TCF7L1: variants seen among roughly 807,000 people sequenced by gnomAD.
TCF7L1 encodes the protein transcription factor 7-like 1.
TCF7L1 carries 18 observed loss-of-function variants against 63.7 expected under a neutral mutation model. That is an observed-to-expected ratio of 0.28 (90% confidence interval 0.20 to 0.42). The LOEUF (loss-of-function observed/expected upper bound fraction) is 0.42. Among genes scored for constraint, TCF7L1 ranks in the 10% least tolerant of loss-of-function variants. The pLI is 1.00. For synonymous variants in TCF7L1, 355 were observed against 340.9 expected, an observed-to-expected ratio of 1.04 and a Z score of -0.46; for missense variants, 654 against 779.3, an observed-to-expected ratio of 0.84 and a Z score of 1.91.
chr2:85,135,936 G>C (rs947587879), intron 3 of TCF7L1, among the ~76,000 whole-genome samples: 9 of 150,750 alleles, frequency 6.0e-5, no homozygotes, highest in South Asian at 2.2e-4. Flanking sequence ...ATCAAAGGGG[G>C]GGGGGGATCA....
chr2:85,262,078 T>C (rs1470547473), intron 3 of TCF7L1: 1 of 538,242 alleles, frequency 1.9e-6, no homozygotes, highest in Non-Finnish European at 3.7e-6. Context: ...TACCTCCTTT[T>C]AGCATGATCC....
At chr2:85,208,158 G>A (rs57595681) in intron 3 of TCF7L1, among the ~76,000 whole-genome samples, 7,094 of 152,142 alleles carry the variant, frequency 0.047, 187 homozygotes, top group Middle Eastern at 0.054. Flanking sequence ...CACCAGCCTC[G>A]GCCTCCCAAA....
At chr2:85,274,826 C>A (rs569562365) in intron 3 of TCF7L1, among the ~76,000 whole-genome samples, 1 of 152,146 alleles carries the variant, frequency 6.6e-6, no homozygotes, top group African/African-American at 2.4e-5. Flanking sequence ...CCTAGAATAC[C>A]AATAACTTAC....
At chr2:85,225,710 A>G (rs1012583372) in intron 3 of TCF7L1, among the ~76,000 whole-genome samples, 1 of 152,248 alleles carries the variant, frequency 6.6e-6, no homozygotes, top group Non-Finnish European at 1.5e-5. Context: ...ATATACAGTC[A>G]TGTCATCTGC....
chr2:85,188,680 C>A (rs372406492), intron 3 of TCF7L1, among the ~76,000 whole-genome samples: 81 of 152,162 alleles, frequency 5.3e-4, no homozygotes, highest in African/African-American at 1.9e-3. Flanking sequence ...TTTCCCTGTC[C>A]TTTATTATGT....
chr2:85,158,380 C>T (rs1184811865), intron 3 of TCF7L1, among the ~76,000 whole-genome samples: 1 of 152,204 alleles, frequency 6.6e-6, no homozygotes, highest in South Asian at 2.1e-4. Context: ...ATGCACATGA[C>T]TCCGTGTGAA....
At chr2:85,216,639 C>T (rs1483638915) in intron 3 of TCF7L1, among the ~76,000 whole-genome samples, 1 of 152,138 alleles carries the variant, frequency 6.6e-6, no homozygotes, top group Non-Finnish European at 1.5e-5. Flanking sequence ...GCCCCTTCCT[C>T]CCGGCCCTGG....
At chr2:85,205,965 T>G (rs1679399776) in intron 3 of TCF7L1, among the ~76,000 whole-genome samples, 2 of 152,232 alleles carry the variant, frequency 1.3e-5, no homozygotes, top group Non-Finnish European at 2.9e-5. Context: ...TGCCATCCAC[T>G]TGGATGCTTT....
chr2:85,282,868 T>C (rs536749214), intron 3 of TCF7L1, among the ~76,000 whole-genome samples: 2 of 149,090 alleles, frequency 1.3e-5, no homozygotes, highest in East Asian at 4.0e-4. Context: ...TTGGTTTGGG[T>C]TTTTTGCACT....
chr2:85,257,382 G>A (rs555244856), intron 3 of TCF7L1, among the ~76,000 whole-genome samples: 5 of 152,286 alleles, frequency 3.3e-5, no homozygotes, highest in Non-Finnish European at 7.4e-5. Flanking sequence ...CAGGTTCCCC[G>A]GCTTAGCTCC....
chr2:85,230,612 G>A (rs1245581692), intron 3 of TCF7L1, among the ~76,000 whole-genome samples: 3 of 152,186 alleles, frequency 2.0e-5, no homozygotes, highest in African/African-American at 7.2e-5. Flanking sequence ...TGGGATTATA[G>A]GCATGAGCCA....
intron 10 of TCF7L1, among the ~76,000 whole-genome samples, chr2:85,307,012 T>C (rs976592951): frequency 6.6e-6 from 1 of 152,192 alleles, no homozygotes; most frequent in South Asian, 2.1e-4. Flanking sequence ...AAGCCCATAC[T>C]TCTCTAGAAA....
chr2:85,274,840 T>C (rs1045085195), intron 3 of TCF7L1, among the ~76,000 whole-genome samples: 3 of 152,144 alleles, frequency 2.0e-5, no homozygotes, highest in African/African-American at 7.2e-5. Flanking sequence ...AACTTACACA[T>C]TTAGTGACTG....
At chr2:85,304,499 C>A in intron 7 of TCF7L1, 161 bp downstream of exon 7, 1 of 667,634 alleles carries the variant, frequency 1.5e-6, no homozygotes, top group Non-Finnish European at 2.5e-6. Context: ...CGCTCCCCAC[C>A]CCCAGGTCAG....
intron 3 of TCF7L1, among the ~76,000 whole-genome samples, chr2:85,190,813 G>A (rs1009527988): frequency 6.6e-6 from 1 of 152,138 alleles, no homozygotes; most frequent in African/African-American, 2.4e-5. Context: ...ACGTATGAGT[G>A]GTAAGTGCTG....
At chr2:85,292,901 T>C (rs1252786874) in intron 4 of TCF7L1, among the ~76,000 whole-genome samples, 2 of 152,254 alleles carry the variant, frequency 1.3e-5, no homozygotes, top group Non-Finnish European at 2.9e-5. Context: ...TCTTTCATAA[T>C]GCTGTGTAAC....
At chr2:85,290,260 C>T (rs535630374) in intron 4 of TCF7L1, among the ~76,000 whole-genome samples, 21 of 152,292 alleles carry the variant, frequency 1.4e-4, no homozygotes, top group East Asian at 3.9e-4. Flanking sequence ...GAATTACAGG[C>T]GTGAGCCACC....
chr2:85,264,060 C>T (rs1558650309), intron 3 of TCF7L1, among the ~76,000 whole-genome samples: 1 of 152,142 alleles, frequency 6.6e-6, no homozygotes, highest in African/African-American at 2.4e-5. Context: ...GGGGGTTTGA[C>T]GGTTTTGTAA....
At chr2:85,250,656 C>T (rs1171250146) in intron 3 of TCF7L1, among the ~76,000 whole-genome samples, 3 of 152,102 alleles carry the variant, frequency 2.0e-5, no homozygotes, top group Admixed American at 6.5e-5. Context: ...AGGCTGGTCT[C>T]GAACTCCTGG....
Sources: allele counts gnomAD v4.1 joint callset (sites outside exome capture counted in the v4.1 genomes callset), GRCh38; gene constraint gnomAD v4.1.1; transcripts MANE v1.5; gene names NCBI Gene and HGNC (gene_info 2026-07-23, HGNC 2026-07-21).